GORASP2: variants seen among roughly 807,000 people sequenced by gnomAD.
GORASP2 encodes the protein Golgi reassembly-stacking protein 2.
Under a neutral mutation model 45.7 loss-of-function variants are expected in GORASP2, and 22 were observed. That is an observed-to-expected ratio of 0.48 (90% confidence interval 0.34 to 0.69). GORASP2 has a LOEUF of 0.69. Among genes scored for constraint, GORASP2 ranks in the 30% least tolerant of loss-of-function variants. The pLI, the probability that GORASP2 is intolerant of heterozygous loss-of-function variation, is 0.01. For synonymous variants in GORASP2, 221 were observed against 215.6 expected (o/e 1.02, Z -0.22); for missense variants, 491 against 562.7 (o/e 0.87, Z 1.29).
At chr2:170,950,048 T>C in intron 3 of GORASP2, 156 bp from the exon 4 acceptor site, 1 of 548,408 alleles carries the variant, frequency 1.8e-6, no homozygotes, top group South Asian at 2.9e-5. Context: ...GCTCAGAAGT[T>C]TAAAATATAT....
intron 6 of GORASP2, 63 bp downstream of exon 6, chr2:170,954,845 A>G: frequency 7.5e-7 from 1 of 1,325,158 alleles, no homozygotes; most frequent in Non-Finnish European, 1.1e-6. Context: ...CACGTGTTTC[A>G]GTGCTACTAT....
At chr2:170,929,955 A>C in intron 1 of GORASP2, 1 of 347,854 alleles carries the variant, frequency 2.9e-6, no homozygotes, top group Non-Finnish European at 6.0e-6. Context: ...GGTTCGACGG[A>C]CTTAAACAGA....
At chr2:170,937,170 T>G (rs905130837) in intron 1 of GORASP2, among the ~76,000 whole-genome samples, 1 of 151,904 alleles carries the variant, frequency 6.6e-6, no homozygotes, top group Non-Finnish European at 1.5e-5. Context: ...ATGGTGCCAC[T>G]GTACTCCAGC....
intron 1 of GORASP2, among the ~76,000 whole-genome samples, chr2:170,942,274 T>G (rs554260051): frequency 1.3e-3 from 199 of 152,296 alleles, no homozygotes; most frequent in Non-Finnish European, 2.0e-3. Flanking sequence ...TACAGTTTGG[T>G]GGGTTTTTAG....
intron 1 of GORASP2, among the ~76,000 whole-genome samples, chr2:170,935,842 C>T (rs1703936930): frequency 6.6e-6 from 1 of 152,116 alleles, no homozygotes. Context: ...TCACAAAGTG[C>T]TGGGGTTACA....
At chr2:170,929,467 G>C (rs1479532653) in intron 1 of GORASP2, 64 bp downstream of exon 1, 2 of 1,219,884 alleles carry the variant, frequency 1.6e-6, no homozygotes, top group East Asian at 6.4e-5. Flanking sequence ...CGGGGAGGCG[G>C]AGGCCCCCAT....
chr2:170,938,549 CA>C (rs1488730858), intron 1 of GORASP2, among the ~76,000 whole-genome samples: 1 of 152,194 alleles, frequency 6.6e-6, no homozygotes, highest in African/African-American at 2.4e-5. Flanking sequence ...TTACTACACA[CA>C]TTAATTAAAA....
At chr2:170,929,470 G>GC (rs1223058022) in intron 1 of GORASP2, 67 bp downstream of exon 1, 1 of 1,156,330 alleles carries the variant, frequency 8.6e-7, no homozygotes, top group Non-Finnish European at 1.1e-6. Context: ...GGAGGCGGAG[G>GC]CCCCCATGGG....
intron 1 of GORASP2, 45 bp from the exon 2 acceptor site, chr2:170,948,305 A>T (rs1704223550): frequency 5.7e-6 from 6 of 1,056,806 alleles, no homozygotes; most frequent in Non-Finnish European, 8.8e-6. Flanking sequence ...TACAATTTTC[A>T]CCTAAGCTTT....
intron 9 of GORASP2, 112 bp downstream of exon 9, chr2:170,963,058 G>T: frequency 1.4e-6 from 1 of 706,254 alleles, no homozygotes; most frequent in Non-Finnish European, 2.6e-6. Context: ...ACAGATTTCA[G>T]CTACTTCAAA....
Position 170,966,217 on chromosome 2 carries a change from T to A in GORASP2, c.*87T>A. Reference sequence around the variant, plus strand: ...CAAACTATCATTAATTTCATACTAGTTTGTACCGTATCTGTAGGCATCCTG... The same window carrying A: ...CAAACTATCATTAATTTCATACTAGATTGTACCGTATCTGTAGGCATCCTG... On this transcript the variant is annotated 3_prime_UTR_variant, in exon 10 of 10. Coordinates refer to ENST00000234160, the MANE Select transcript of GORASP2 (RefSeq NM_015530.5). 1 of 944,202 alleles carries A rather than the reference T, an allele frequency of 1.1e-6. No individual in the cohort carries two copies. The highest frequency in any genetic ancestry group is 1.7e-6 in the Non-Finnish European group (1 of 589,430). 58.5% of individuals were successfully genotyped at this position (944,202 alleles called of 1,614,324 possible).
At chr2:170,951,645 T>A in intron 5 of GORASP2, 187 bp downstream of exon 5, 1 of 439,306 alleles carries the variant, frequency 2.3e-6, no homozygotes. Flanking sequence ...GGGAACATAG[T>A]ATATATACTA....
intron 1 of GORASP2, among the ~76,000 whole-genome samples, chr2:170,934,162 G>GA: frequency 6.6e-6 from 1 of 151,438 alleles, no homozygotes; most frequent in African/African-American, 2.4e-5. Context: ...TACTTATTTT[G>GA]AAAAAATTAA....
At chr2:170,964,106 A>T (rs180842910) in intron 9 of GORASP2, among the ~76,000 whole-genome samples, 42 of 152,388 alleles carry the variant, frequency 2.8e-4, no homozygotes, top group Non-Finnish European at 5.3e-4. Flanking sequence ...TTCTGTCTGA[A>T]AATGAAGCAG....
At chr2:170,929,093 T>G (rs1703747549), upstream of GORASP2, 1 of 383,656 alleles carries the variant, frequency 2.6e-6, no homozygotes, top group Non-Finnish European at 4.6e-6. Context: ...CCTCCGGCCC[T>G]CCCTCTCCGC....
rs1704672311 is a variant in GORASP2, at chr2:170,965,796, C to T, written c.1025C>T (p.Pro342Leu). The change falls in exon 10 of 10, where the codon CCA becomes CTA. Residue 342 changes from proline (P) to leucine (L), a missense_variant. Transcript: ENST00000234160. ...GLPELVNPGL[P>L]PLPSMPPRNL... is the part of the protein sequence containing the mutation. ...TATGCCGTTTTTGTCCTAGGTCTGC[C>T]ACCTCTTCCTTCCATGCCTCCCCGA... 6.2e-7 allele frequency: 1 copy of T among 1,612,918 alleles called. No individual in the cohort carries two copies. The highest frequency in any genetic ancestry group is 1.7e-5 in the Admixed American group (1 of 59,994).
At chr2:170,956,284 G>A (rs1559314171) in intron 6 of GORASP2, 152 bp from the exon 7 acceptor site, 2 of 602,788 alleles carry the variant, frequency 3.3e-6, no homozygotes, top group Non-Finnish European at 5.7e-6. Flanking sequence ...AAAATTAGGA[G>A]GGAGTGTCTG....
intron 5 of GORASP2, chr2:170,954,062 T>C (rs1704365786): frequency 6.6e-6 from 1 of 152,324 alleles, no homozygotes; most frequent in Non-Finnish European, 1.5e-5. Flanking sequence ...CACATCTTAC[T>C]AGAAAAATGC....
At chr2:170,935,980 T>G (rs1205935442) in intron 1 of GORASP2, among the ~76,000 whole-genome samples, 1 of 152,154 alleles carries the variant, frequency 6.6e-6, no homozygotes, top group East Asian at 1.9e-4. Context: ...TAATTATGGT[T>G]TCAGTAAGTA....
Sources: allele counts gnomAD v4.1 joint callset (sites outside exome capture counted in the v4.1 genomes callset), GRCh38; gene constraint gnomAD v4.1.1; transcripts MANE v1.5; gene names NCBI Gene and HGNC (gene_info 2026-07-23, HGNC 2026-07-21).